The following ITGB6 variants were observed in gnomAD, a reference collection of about 807,000 sequenced individuals.
The protein encoded by ITGB6 is integrin beta-6.
ITGB6 carries 80 observed loss-of-function variants against 84.5 expected under a neutral mutation model. The observed-to-expected ratio is 0.95, with a 90% CI of 0.79 to 1.14. The LOEUF (loss-of-function observed/expected upper bound fraction) is 1.14. Ranked by LOEUF, ITGB6 falls within the 50% of genes most tolerant of loss-of-function variation. The probability of loss-of-function intolerance (pLI) is 0.00; values close to 1 mark genes in which losing one functional copy is unlikely to be tolerated. For synonymous variants in ITGB6, 383 were observed against 354.9 expected, an observed-to-expected ratio of 1.08 and a Z score of -0.89; for missense variants, 1,006 against 968.0, an observed-to-expected ratio of 1.04 and a Z score of -0.52.
chr2:160,172,850 C>T (rs1685267050), intron 5 of ITGB6, 120 bp from the exon 6 acceptor site: 5 of 700,940 alleles, frequency 7.1e-6, no homozygotes, highest in Non-Finnish European at 7.2e-6. Flanking sequence ...CTATTTTAGC[C>T]TTTTTATCTA....
rs1012797451 is a variant in ITGB6 at position 160,126,153 on chromosome 2, C to T, written c.1883+226G>A. On this transcript the variant is annotated intron_variant, in intron 11 of 14. Coordinates refer to ENST00000283249, the MANE Select transcript of ITGB6 (RefSeq NM_000888.5). ...TCCCCACACTAGTCTCTAGCAGAAA[C>T]GTGACATTGTGATTCTGGATAATCA... 2.0e-5 allele frequency among the ~76,000 whole-genome samples: 3 copies of T among 152,098 alleles called. 1 individual carries two copies. The highest frequency in any genetic ancestry group is 4.8e-5 in the African/African-American group (2 of 41,406).
chr2:160,152,881 C>T (rs1011960671), intron 7 of ITGB6, among the ~76,000 whole-genome samples: 3 of 152,092 alleles, frequency 2.0e-5, no homozygotes, highest in Admixed American at 1.3e-4. Context: ...CCTAGGAACC[C>T]AATTTACAAG....
At chr2:160,143,936 G>GT (rs1404224526) in intron 7 of ITGB6, among the ~76,000 whole-genome samples, 1 of 152,164 alleles carries the variant, frequency 6.6e-6, no homozygotes, top group African/African-American at 2.4e-5. Flanking sequence ...GGAAAAATGG[G>GT]TTTTGGTTTT....
chr2:160,112,019 T>C, intron 13 of ITGB6, 61 bp downstream of exon 13: 1 of 1,542,456 alleles, frequency 6.5e-7, no homozygotes, highest in Non-Finnish European at 8.8e-7. Flanking sequence ...GATTTTCTGG[T>C]TGCTTTCTCT....
chr2:160,145,452 C>T (rs1262461953), intron 7 of ITGB6, among the ~76,000 whole-genome samples: 2 of 152,192 alleles, frequency 1.3e-5, no homozygotes, highest in African/African-American at 4.8e-5. Flanking sequence ...CTTCACTCGG[C>T]CCCATCTCCA....
At chr2:160,199,782 A>G (rs1262087068) in intron 1 of ITGB6, among the ~76,000 whole-genome samples, 4 of 152,224 alleles carry the variant, frequency 2.6e-5, no homozygotes, top group Non-Finnish European at 4.4e-5. Flanking sequence ...TCTCCTCATT[A>G]AAATGCCTGT....
chr2:160,190,745 G>T (rs1239838575), intron 4 of ITGB6, among the ~76,000 whole-genome samples: 1 of 152,184 alleles, frequency 6.6e-6, no homozygotes, highest in Non-Finnish European at 1.5e-5. Context: ...GCCCGATTAA[G>T]GACAGGGTCT....
rs1323723439 is a variant in ITGB6, at chr2:160,117,403, C to A, written c.1982-5204G>T. The stretch of plus-strand genomic sequence containing the variant: ...CTACATGGAAACTGAACAACCTGCT[C>A]CTGAATGACTACTGGGTACATAACG... On this transcript the variant is annotated intron_variant, in intron 12 of 14. Coordinates refer to ENST00000283249, the MANE Select transcript of ITGB6 (RefSeq NM_000888.5). Among the ~76,000 whole-genome samples the A allele has an allele frequency of 3.3e-5, 5 of 152,044 alleles. No individual in the cohort carries two copies. The East Asian group carries it at 9.7e-4, about 29-fold the overall frequency.
rs769665409 is a variant in ITGB6, at chr2:160,172,620, G to A, written c.870C>T (p.Asp290=). Residue 290 remains aspartate (D), a synonymous_variant, in exon 6 of 15, where the codon GAC becomes GAT. Coordinates refer to ENST00000283249, the MANE Select transcript of ITGB6 (RefSeq NM_000888.5). The part of the protein sequence containing the change: ...SKLAGIVIPN[D]GLCHLDSKNE... Reference sequence around the variant, plus strand: ...TCTTGCTGTCCAAGTGACAGAGCCCGTCATTAGGAATGACGATGCCTGCTA... The same window carrying A: ...TCTTGCTGTCCAAGTGACAGAGCCCATCATTAGGAATGACGATGCCTGCTA... 1.1e-5 allele frequency: 17 copies of A among 1,611,532 alleles called. No homozygotes were observed. The highest frequency in any genetic ancestry group is 6.7e-5 in the East Asian group (3 of 44,826).
intron 4 of ITGB6, among the ~76,000 whole-genome samples, chr2:160,185,041 C>A (rs1685839022): frequency 6.6e-6 from 1 of 152,174 alleles, no homozygotes; most frequent in East Asian, 1.9e-4. Flanking sequence ...TGGGCAAAAG[C>A]TGGAAGCATT....
At chr2:160,119,895 A>T (rs927936606) in intron 12 of ITGB6, among the ~76,000 whole-genome samples, 3 of 152,372 alleles carry the variant, frequency 2.0e-5, no homozygotes, top group East Asian at 1.9e-4. Context: ...ACATTTATGC[A>T]GCCAAAAGAC....
At chr2:160,182,581 C>T (rs1351814627) in intron 4 of ITGB6, among the ~76,000 whole-genome samples, 1 of 152,126 alleles carries the variant, frequency 6.6e-6, no homozygotes, top group African/African-American at 2.4e-5. Flanking sequence ...AGGATATTAT[C>T]CAGGAGAACT....
chr2:160,138,630 TTA>T (rs1380573774), intron 8 of ITGB6, among the ~76,000 whole-genome samples: 4 of 152,176 alleles, frequency 2.6e-5, no homozygotes, highest in Non-Finnish European at 2.9e-5. Context: ...ACAGCTTCCT[TTA>T]TGTGTATCAT....
In ITGB6 at chr2:160,100,490, G is replaced by C. The variant is rs1696674479; in HGVS notation, c.*1246C>G. On this transcript the variant is annotated 3_prime_UTR_variant, in exon 15 of 15. Transcript: ENST00000283249. The stretch of plus-strand genomic sequence containing the variant: ...GAGGAGATGGCTTGGAGTTAGAAGA[G>C]CTAGATTCTGAACCCAGCTCTACTC... The C allele has an allele frequency of 6.6e-6, 1 of 152,192 alleles. No homozygotes were observed. The highest frequency in any genetic ancestry group is 1.5e-5 in the Non-Finnish European group (1 of 68,028). The allele number at this position is 152,192 out of a possible 1,614,324, so 9.4% of individuals were successfully genotyped here. A position where few individuals can be genotyped will look rare whatever the true frequency, so the allele number is the denominator to read the frequency against.
intron 7 of ITGB6, among the ~76,000 whole-genome samples, chr2:160,158,957 G>T (rs1404829001): frequency 1.3e-5 from 2 of 152,020 alleles, no homozygotes; most frequent in Non-Finnish European, 2.9e-5. Flanking sequence ...AAATTAACTG[G>T]GTGTGGTGGT....
rs538829790 is a variant in ITGB6 at position 160,151,759 on chromosome 2, C to T, written c.1018-9688G>A. Among the ~76,000 whole-genome samples, 410 of 151,912 alleles carry T rather than the reference C, an allele frequency of 2.7e-3. 2 individuals are homozygous for T. Among genetic ancestry groups the T allele is most frequent in the Non-Finnish European group, 4.5e-3 (304 of 67,880 alleles). On this transcript the variant is annotated intron_variant, in intron 7 of 14. Transcript: ENST00000283249. Reference sequence around the variant, plus strand: ...AATAGATGCAACAAAAAATGATAAACGGGATATCACCACTGATCCCACAGA... The same window carrying T: ...AATAGATGCAACAAAAAATGATAAATGGGATATCACCACTGATCCCACAGA...
intron 8 of ITGB6, among the ~76,000 whole-genome samples, chr2:160,139,091 C>T (rs1443327274): frequency 6.6e-6 from 1 of 152,160 alleles, no homozygotes; most frequent in Non-Finnish European, 1.5e-5. Context: ...TATAAGAATG[C>T]TTTCTTTCCT....
chr2:160,140,687 T>C (rs758572659), intron 8 of ITGB6, among the ~76,000 whole-genome samples: 4 of 152,224 alleles, frequency 2.6e-5, no homozygotes, highest in Non-Finnish European at 5.9e-5. Context: ...TGAGCTAATG[T>C]GGTGATGAAT....
chr2:160,199,036 A>T (rs906659411), intron 2 of ITGB6, 143 bp downstream of exon 2: 1 of 612,968 alleles, frequency 1.6e-6, no homozygotes, highest in African/African-American at 1.8e-5. Flanking sequence ...TGATCTACCA[A>T]TGCTCACCTT....
Sources: gnomAD v4.1 joint callset for allele counts (sites outside exome capture counted in the v4.1 genomes callset) on GRCh38, gnomAD v4.1.1 for gene constraint, MANE v1.5 for transcripts, NCBI Gene and HGNC (gene_info 2026-07-23, HGNC 2026-07-21) for gene names.